Variants in ACOXL observed in about 807,000 individuals in gnomAD.
The protein encoded by ACOXL is acyl-CoA oxidase like.
In ACOXL, 70 loss-of-function variants were observed where a neutral mutation model predicts 71.9. The ratio of observed to expected loss-of-function variants is 0.97; its 90% CI spans 0.80 to 1.19. The LOEUF (loss-of-function observed/expected upper bound fraction) is 1.19. Among genes scored for constraint, ACOXL ranks in the 50% most tolerant of loss-of-function variants. ACOXL has a pLI of 0.00. For synonymous variants in ACOXL, 253 were observed against 281.6 expected, an observed-to-expected ratio of 0.90 and a Z score of 1.02; for missense variants, 703 against 736.3, an observed-to-expected ratio of 0.95 and a Z score of 0.52.
intron 16 of ACOXL, among the ~76,000 whole-genome samples, chr2:111,084,748 A>G (rs1051581612): frequency 9.2e-5 from 14 of 152,312 alleles, no homozygotes; most frequent in Non-Finnish European, 1.8e-4. Flanking sequence ...AATGGACTAA[A>G]TGACCCAATT....
intron 10 of ACOXL, among the ~76,000 whole-genome samples, chr2:110,858,208 A>T (rs892494743): frequency 6.6e-6 from 1 of 152,196 alleles, no homozygotes; most frequent in African/African-American, 2.4e-5. Context: ...AAATTCCCTG[A>T]AACAAAGGAA....
In ACOXL at chr2:111,117,749, C is replaced by T; in HGVS notation, c.1676C>T (p.Ala559Val). 1 of 1,551,574 alleles carries T rather than the reference C, an allele frequency of 6.4e-7. No individual in the cohort carries two copies. The highest frequency in any genetic ancestry group is 1.2e-5 in the South Asian group (1 of 84,064). ...NPRAAWAFYP[A>V]PLQPRPREEA... is the part of the protein sequence containing the mutation. ...CGGGCCGCGTGGGCTTTCTACCCTG[C>T]ACCGCTGCAGCCGCGGCCACGGGAA... is the stretch of plus-strand genomic sequence containing the variant. Residue 559 changes from alanine (A) to valine (V), a missense_variant, in exon 18 of 18, where the codon GCA becomes GTA. Physicochemically the swap from Ala to Val is moderately conservative, Grantham distance 64. Coordinates refer to ENST00000439055, the MANE Select transcript of ACOXL (RefSeq NM_001142807.4).
intron 10 of ACOXL, among the ~76,000 whole-genome samples, chr2:110,866,031 C>G (rs1424194041): frequency 6.6e-6 from 1 of 152,094 alleles, no homozygotes; most frequent in Non-Finnish European, 1.5e-5. Flanking sequence ...GTGGTAAATA[C>G]TATTTTAAGA....
chr2:110,988,639 A>G (rs1452315489), intron 13 of ACOXL, among the ~76,000 whole-genome samples: 1 of 152,132 alleles, frequency 6.6e-6, no homozygotes. Flanking sequence ...CCCCATTAGC[A>G]GCATGTATCT....
intron 1 of ACOXL, among the ~76,000 whole-genome samples, chr2:110,737,979 C>T (rs564341395): frequency 6.6e-6 from 1 of 152,328 alleles, no homozygotes; most frequent in African/African-American, 2.4e-5. Context: ...TTTATGACTG[C>T]TTTGGTCAAC....
At chr2:110,754,685 G>A (rs756176740) in intron 1 of ACOXL, among the ~76,000 whole-genome samples, 4 of 152,188 alleles carry the variant, frequency 2.6e-5, no homozygotes, top group Non-Finnish European at 5.9e-5. Context: ...TAATTGTTGA[G>A]TAGTATTCCA....
At chr2:110,796,459 T>C (rs1345150077) in intron 5 of ACOXL, among the ~76,000 whole-genome samples, 3 of 152,338 alleles carry the variant, frequency 2.0e-5, no homozygotes, top group South Asian at 2.1e-4. Context: ...TGCCCGAGTT[T>C]GGGCTGATGC....
At chr2:110,980,608 G>A (rs542832697) in intron 12 of ACOXL, among the ~76,000 whole-genome samples, 2 of 152,220 alleles carry the variant, frequency 1.3e-5, no homozygotes, top group Non-Finnish European at 2.9e-5. Context: ...AAATCGCAGA[G>A]GTGGCTCATC....
At chr2:111,056,861 G>A (rs887197760) in intron 16 of ACOXL, among the ~76,000 whole-genome samples, 3 of 151,996 alleles carry the variant, frequency 2.0e-5, no homozygotes, top group African/African-American at 7.2e-5. Context: ...GGTCATTTTG[G>A]TGGCTTTCTG....
At position 111,117,810 on chromosome 2, in the gene ACOXL, G is replaced by A. The variant is rs1487629544; in HGVS notation, c.1737G>A (p.Lys579=). ...CCCGGCGGCCCAAGCTGGGAGCCAA[G>A]CTCTAACGGGTGTGGCGGGAAGTGT... is the stretch of plus-strand genomic sequence containing the variant. The part of the protein sequence containing the change: ...ARSRRPKLGA[K]L Residue 579 remains lysine (K), a synonymous_variant, in exon 18 of 18, where the codon AAG becomes AAA. Transcript: ENST00000439055. The A allele has an allele frequency of 1.3e-6, 2 of 1,547,818 alleles. No individual in the cohort carries two copies. Among genetic ancestry groups the A allele is most frequent in the Admixed American group, 2.0e-5 (1 of 50,942 alleles).
chr2:111,041,593 TGGCTGCCCCCG>T (rs2065787677), intron 15 of ACOXL, among the ~76,000 whole-genome samples: 1 of 127,230 alleles, frequency 7.9e-6, no homozygotes, highest in African/African-American at 3.0e-5. Flanking sequence ...CTGCCGCCTC[TGGCTGCCCCCG>T]GCTCTACACC....
intron 1 of ACOXL, among the ~76,000 whole-genome samples, chr2:110,747,059 GT>G (rs1678323034): frequency 6.6e-6 from 1 of 152,146 alleles, no homozygotes. Flanking sequence ...CAATCAGTTG[GT>G]GACATCCAGG....
At chr2:111,054,864 C>G (rs954676816) in intron 16 of ACOXL, among the ~76,000 whole-genome samples, 6 of 152,110 alleles carry the variant, frequency 3.9e-5, no homozygotes, top group African/African-American at 1.4e-4. Context: ...GGAATCCTGT[C>G]CAGAATGAGG....
chr2:110,965,566 G>T (rs536241815), intron 12 of ACOXL, among the ~76,000 whole-genome samples: 2 of 152,310 alleles, frequency 1.3e-5, no homozygotes, highest in African/African-American at 4.8e-5. Flanking sequence ...TGATGGCAAA[G>T]ATATCGCTAG....
intron 10 of ACOXL, among the ~76,000 whole-genome samples, chr2:110,848,617 G>A (rs1404462510): frequency 6.6e-6 from 1 of 152,122 alleles, no homozygotes; most frequent in Non-Finnish European, 1.5e-5. Flanking sequence ...GGTTAATGTA[G>A]CAGATGGATG....
chr2:110,763,593 A>G (rs1473065010), intron 1 of ACOXL, among the ~76,000 whole-genome samples: 1 of 152,236 alleles, frequency 6.6e-6, no homozygotes, highest in African/African-American at 2.4e-5. Flanking sequence ...TAAAATTCCT[A>G]GGAGATCTAG....
intron 9 of ACOXL, among the ~76,000 whole-genome samples, chr2:110,828,592 A>G (rs1351907414): frequency 4.6e-5 from 7 of 152,220 alleles, no homozygotes; most frequent in Non-Finnish European, 5.9e-5. Context: ...GCGTTGTACT[A>G]TCCTTGTGCT....
intron 1 of ACOXL, among the ~76,000 whole-genome samples, chr2:110,754,031 CGTGTGTGTGT>C (rs34282367): frequency 5.7e-5 from 8 of 141,256 alleles, no homozygotes; most frequent in South Asian, 2.3e-4. Context: ...CACATGCACA[CGTGTGTGTGT>C]GTGTGTGTGT....
At chr2:110,960,969 A>C (rs1558791768) in intron 12 of ACOXL, among the ~76,000 whole-genome samples, 1 of 152,160 alleles carries the variant, frequency 6.6e-6, no homozygotes, top group Non-Finnish European at 1.5e-5. Flanking sequence ...TCTAAGCCTG[A>C]CTAGTTTCTA....
Sources: allele counts gnomAD v4.1 joint callset (sites outside exome capture counted in the v4.1 genomes callset), GRCh38; gene constraint gnomAD v4.1.1; transcripts MANE v1.5; gene names NCBI Gene and HGNC (gene_info 2026-07-23, HGNC 2026-07-21).